Variants in AAK1 observed in about 807,000 individuals in gnomAD.
The protein encoded by AAK1 is AP2-associated protein kinase 1.
In AAK1, 37 loss-of-function variants were observed where a neutral mutation model predicts 116.0. The observed-to-expected ratio is 0.32, with a 90% CI of 0.25 to 0.42. The LOEUF is 0.42. Ranked by LOEUF, AAK1 falls within the 10% of genes least tolerant of loss-of-function variation. AAK1 has a pLI of 1.00. For synonymous variants in AAK1, 458 were observed against 439.9 expected, an observed-to-expected ratio of 1.04 and a Z score of -0.51; for missense variants, 919 against 1,170.6, an observed-to-expected ratio of 0.79 and a Z score of 3.14.
Position 69,556,934 on chromosome 2 carries a change from T to C in AAK1, c.208A>G (p.Lys70Glu). Residue 70 changes from lysine (K) to glutamate (E), a missense_variant, in exon 3 of 22, where the codon AAA (lysine) becomes GAA (glutamate). Around this residue, in one of 4 missense-constraint regions of AAK1, gnomAD observed 317 missense variants for 490.4 expected, o/e 0.65. Coordinates refer to ENST00000409085, the MANE Select transcript of AAK1 (RefSeq NM_014911.5). ...VFLVRTSNGM[K>E]CALKRMFVNN... ...ACAAACATGCGTTTCAAGGCACATTTCATCCCATTGCTTGTCCTCACCAGA... is the reference window on the plus strand; with the variant it reads ...ACAAACATGCGTTTCAAGGCACATTCCATCCCATTGCTTGTCCTCACCAGA... The C allele has an allele frequency of 6.2e-7, 1 of 1,613,974 alleles. No individual in the cohort carries two copies. The highest frequency in any genetic ancestry group is 8.5e-7 in the Non-Finnish European group (1 of 1,179,844).
rs1475634556 is a variant in AAK1, at chr2:69,461,341, T to A, written c.*14528A>T. The A allele has an allele frequency of 4.4e-6, 1 of 226,196 alleles. No individual in the cohort carries two copies. The highest frequency in any genetic ancestry group is 8.9e-6 in the Non-Finnish European group (1 of 112,572). 14.0% of individuals were successfully genotyped at this position (226,196 alleles called of 1,614,324 possible). ...ACACAATGACAAAATCACCTAAGGA[T>A]GCATTTCTCTGAATGTCTCCCTCAT... On this transcript the variant is annotated 3_prime_UTR_variant, in exon 22 of 22. Transcript: ENST00000409085.
At chr2:69,551,761 G>A (rs539998201) in intron 3 of AAK1, among the ~76,000 whole-genome samples, 22 of 152,266 alleles carry the variant, frequency 1.4e-4, no homozygotes, top group African/African-American at 4.3e-4. Flanking sequence ...CCCTCCAAAT[G>A]TCCATCAGAA....
chr2:69,625,803 A>G (rs1009811263), intron 2 of AAK1, among the ~76,000 whole-genome samples: 16 of 152,176 alleles, frequency 1.1e-4, no homozygotes, highest in African/African-American at 3.9e-4. Context: ...TTTTCCAACA[A>G]TGAGTTGTCT....
intron 5 of AAK1, among the ~76,000 whole-genome samples, chr2:69,539,022 G>A (rs1670593163): frequency 6.6e-6 from 1 of 152,150 alleles, no homozygotes; most frequent in Non-Finnish European, 1.5e-5. Context: ...ACCATGCCAG[G>A]GATGTGCGCC....
intron 17 of AAK1, among the ~76,000 whole-genome samples, chr2:69,491,860 G>C (rs1180555847): frequency 1.3e-5 from 2 of 152,120 alleles, no homozygotes; most frequent in Non-Finnish European, 2.9e-5. Context: ...GCCACTAATG[G>C]CTAGAACTCA....
chr2:69,475,906 C>A lies in AAK1; in HGVS notation c.2849G>T (p.Arg950Met). 6.2e-7 allele frequency: 1 copy of A among 1,612,562 alleles called. No individual in the cohort carries two copies. The highest frequency in any genetic ancestry group is 8.5e-7 in the Non-Finnish European group (1 of 1,179,418). ...GAGCTGATCCACCAGCAGTAAAGAC[C>A]TGGCTAGGTTGGGAAGACTGGACTC... ...SSESSLPNLA[R>M]SLLLVDQLID... The change falls in exon 22 of 22, where the codon AGG becomes ATG. Residue 950 changes from arginine (R) to methionine (M), a missense_variant. This residue lies in a region of AAK1 where 263 missense variants were observed against 285.5 expected (regional missense o/e 0.92). Transcript: ENST00000409085.
In AAK1 at chr2:69,462,386, A is replaced by G. The variant is rs576857461; in HGVS notation, c.*13483T>C. 19 of 152,244 alleles carry G rather than the reference A, an allele frequency of 1.2e-4. No individual in the cohort carries two copies. Among genetic ancestry groups the G allele is most frequent in the African/African-American group, 4.3e-4 (18 of 41,522 alleles). 9.4% of individuals were successfully genotyped at this position (152,244 alleles called of 1,614,324 possible). A position where few individuals can be genotyped will look rare whatever the true frequency, so the allele number is the denominator to read the frequency against. On this transcript the variant is annotated 3_prime_UTR_variant, in exon 22 of 22. Transcript: ENST00000409085. ...AGTATAATAATAATTTAAAAAAAAAAAAAGAATTTCTGGGCCAGGTGCGGT... is the reference window on the plus strand; with the variant it reads ...AGTATAATAATAATTTAAAAAAAAAGAAAGAATTTCTGGGCCAGGTGCGGT...
rs1379214062 is a variant in AAK1, at chr2:69,465,471, G to A, written c.*10398C>T. The A allele has an allele frequency of 2.3e-6, 3 of 1,290,930 alleles. No individual in the cohort carries two copies. In the East Asian group the frequency reaches 1.7e-4, roughly 72 times the overall value. 80.0% of individuals were successfully genotyped at this position (1,290,930 alleles called of 1,614,324 possible). A position where few individuals can be genotyped will look rare whatever the true frequency, so the allele number is the denominator to read the frequency against. On this transcript the variant is annotated 3_prime_UTR_variant, in exon 22 of 22. Transcript: ENST00000409085. The stretch of plus-strand genomic sequence containing the variant: ...TGAAGGGAAGGGTGCTAGAGCAAAT[G>A]GATCAGCAGCTGGCAGCTCCGTAGT...
At chr2:69,544,771 C>T in intron 3 of AAK1, among the ~76,000 whole-genome samples, 1 of 152,166 alleles carries the variant, frequency 6.6e-6, no homozygotes, top group South Asian at 2.1e-4. Context: ...CACTCCAGAA[C>T]CTAAATTCTA....
rs1300399850 is a variant in AAK1 at position 69,475,587 on chromosome 2, C to T, written c.*282G>A. The T allele has an allele frequency of 6.0e-6, 7 of 1,159,988 alleles. No homozygotes were observed. The highest frequency in any genetic ancestry group is 7.5e-6 in the Non-Finnish European group (7 of 938,254). The allele number at this position is 1,159,988 out of a possible 1,614,324, so 71.9% of individuals were successfully genotyped here. ...GGAGTTGATTCCAGCAGAGGTGAAG[C>T]TCATGGCATCTAGTGCTTGATTTAA... On this transcript the variant is annotated 3_prime_UTR_variant, in exon 22 of 22. Coordinates refer to ENST00000409085, the MANE Select transcript of AAK1 (RefSeq NM_014911.5).
intron 4 of AAK1, among the ~76,000 whole-genome samples, chr2:69,542,980 A>G (rs949007938): frequency 6.6e-6 from 1 of 152,200 alleles, no homozygotes; most frequent in Non-Finnish European, 1.5e-5. Context: ...GCCTGGTTAT[A>G]TTGTGTTCGT....
At chr2:69,628,949 T>G (rs928023150) in intron 2 of AAK1, among the ~76,000 whole-genome samples, 22 of 152,230 alleles carry the variant, frequency 1.4e-4, no homozygotes, top group Admixed American at 1.3e-4. Flanking sequence ...CAACTACAGG[T>G]ACCACCTCTC....
chr2:69,486,328 G>T (rs1441870384), intron 17 of AAK1, among the ~76,000 whole-genome samples: 6 of 152,150 alleles, frequency 3.9e-5, no homozygotes, highest in Non-Finnish European at 7.3e-5. Context: ...GTACATGAGT[G>T]TACACGTGTT....
chr2:69,573,640 T>C (rs4852857), intron 2 of AAK1, among the ~76,000 whole-genome samples: 74,464 of 152,058 alleles, frequency 0.49, 19,795 homozygotes, highest in East Asian at 0.78. Context: ...TTTCAACTCC[T>C]AAATTCCACT....
chr2:69,575,551 C>G (rs1022467900), intron 2 of AAK1, among the ~76,000 whole-genome samples: 4 of 149,584 alleles, frequency 2.7e-5, no homozygotes, highest in Non-Finnish European at 4.4e-5. Context: ...CTCACTGCAA[C>G]CTCCGCCCAC....
chr2:69,631,383 C>T (rs549542502), intron 2 of AAK1, among the ~76,000 whole-genome samples: 234 of 152,286 alleles, frequency 1.5e-3, no homozygotes, highest in African/African-American at 5.5e-3. Flanking sequence ...CTCATTATAA[C>T]GACAAAAGAT....
At chr2:69,530,740 G>A in intron 6 of AAK1, 34 bp from the exon 7 acceptor site, 1 of 1,493,060 alleles carries the variant, frequency 6.7e-7, no homozygotes, top group Non-Finnish European at 9.3e-7. Flanking sequence ...TATTAAATAT[G>A]TCAATACTAT....
chr2:69,610,036 G>A (rs1333548167), intron 2 of AAK1, among the ~76,000 whole-genome samples: 11 of 136,738 alleles, frequency 8.0e-5, no homozygotes, highest in Non-Finnish European at 1.7e-4. Context: ...GGGCGACAGA[G>A]TGAGACTCTG....
intron 2 of AAK1, chr2:69,594,701 C>G: frequency 3.1e-6 from 2 of 644,452 alleles, no homozygotes; most frequent in South Asian, 3.7e-5. Context: ...AATATAAACT[C>G]AAGGTTTTAT....
Sources: gnomAD v4.1 joint callset for allele counts (sites outside exome capture counted in the v4.1 genomes callset) on GRCh38, gnomAD v4.1.1 for gene constraint, gnomAD v4.1.1 regional missense constraint, MANE v1.5 for transcripts, NCBI Gene and HGNC (gene_info 2026-07-23, HGNC 2026-07-21) for gene names.